FGF14: variants seen among roughly 807,000 people sequenced by gnomAD.
FGF14 encodes fibroblast growth factor homologous factor 4.
FGF14 carries 5 observed loss-of-function variants against 25.5 expected under a neutral mutation model. The ratio of observed to expected loss-of-function variants is 0.20; its 90% CI spans 0.10 to 0.41. The LOEUF (loss-of-function observed/expected upper bound fraction) is 0.41. Among genes scored for constraint, FGF14 ranks in the 10% least tolerant of loss-of-function variants. The probability of loss-of-function intolerance (pLI) is 1.00; values close to 1 mark genes in which losing one functional copy is unlikely to be tolerated. For missense variants in FGF14, 222 were observed against 320.1 expected (o/e 0.69, Z 2.34); for synonymous variants, 138 against 118.3 (o/e 1.17, Z -1.08).
intron 1 of FGF14, among the ~76,000 whole-genome samples, chr13:102,101,558 C>A (rs2044663314): frequency 6.6e-6 from 1 of 152,084 alleles, no homozygotes; most frequent in African/African-American, 2.4e-5. Flanking sequence ...ATAAAGTGTA[C>A]CCATTCTTTA....
At chr13:101,812,651 ATATTTTT>A (rs2041632210) in intron 3 of FGF14, among the ~76,000 whole-genome samples, 1 of 8,148 alleles carries the variant, frequency 1.2e-4, no homozygotes, top group African/African-American at 4.0e-4. Flanking sequence ...ATATATATAT[ATATTTTT>A]TTTTTTTTTT....
chr13:101,997,591 G>T (rs1025745243), intron 1 of FGF14, among the ~76,000 whole-genome samples: 10 of 152,160 alleles, frequency 6.6e-5, no homozygotes, highest in African/African-American at 2.4e-4. Flanking sequence ...TGATTCAGTA[G>T]GTCTGGGCCA....
chr13:101,761,496 C>A (rs1259000601), intron 3 of FGF14, among the ~76,000 whole-genome samples: 1 of 152,130 alleles, frequency 6.6e-6, no homozygotes, highest in Non-Finnish European at 1.5e-5. Flanking sequence ...CAGCAAGTCC[C>A]CTTCTACTGT....
chr13:102,214,430 T>C (rs2050284373), intron 1 of FGF14, among the ~76,000 whole-genome samples: 1 of 152,234 alleles, frequency 6.6e-6, no homozygotes, highest in Admixed American at 6.5e-5. Context: ...TAGGTTTTCC[T>C]TCCTCAGGAT....
chr13:101,883,058 G>A (rs2045801217), intron 1 of FGF14, among the ~76,000 whole-genome samples: 1 of 152,044 alleles, frequency 6.6e-6, no homozygotes, highest in Non-Finnish European at 1.5e-5. Context: ...AACCAGACAG[G>A]AAAAACATTT....
chr13:102,169,642 CAT>C (rs1439412840), intron 1 of FGF14, among the ~76,000 whole-genome samples: 12 of 152,156 alleles, frequency 7.9e-5, no homozygotes, highest in African/African-American at 2.9e-4. Context: ...AAGATGCGCA[CAT>C]GTTAAAGAAG....
At chr13:101,723,064 A>T in intron 4 of FGF14, 97 bp from the exon 5 acceptor site, 1 of 1,463,012 alleles carries the variant, frequency 6.8e-7, no homozygotes, top group East Asian at 2.3e-5. Flanking sequence ...CAGTTTGCCC[A>T]TTTCTGTTTT....
chr13:101,832,940 C>A (rs1054258347), intron 3 of FGF14, among the ~76,000 whole-genome samples: 1 of 152,038 alleles, frequency 6.6e-6, no homozygotes, highest in Non-Finnish European at 1.5e-5. Context: ...GGTTTTCTCA[C>A]AAATTCTAGT....
chr13:101,885,048 T>C (rs1348034714), intron 1 of FGF14, among the ~76,000 whole-genome samples: 1 of 152,144 alleles, frequency 6.6e-6, no homozygotes, highest in Non-Finnish European at 1.5e-5. Flanking sequence ...AGACCTTGCT[T>C]ATTAGAGCAA....
chr13:101,975,986 G>A (rs1196788260), intron 1 of FGF14, among the ~76,000 whole-genome samples: 1 of 152,204 alleles, frequency 6.6e-6, no homozygotes, highest in African/African-American at 2.4e-5. Context: ...GGAACCTTAA[G>A]CATTTGCCTG....
intron 1 of FGF14, among the ~76,000 whole-genome samples, chr13:102,062,766 C>A (rs1308987275): frequency 1.3e-5 from 2 of 152,072 alleles, no homozygotes; most frequent in Admixed American, 6.6e-5. Context: ...GTTGTGAATT[C>A]TTTCAGACCA....
intron 1 of FGF14, among the ~76,000 whole-genome samples, chr13:102,112,625 A>T (rs905257437): frequency 6.6e-6 from 1 of 152,202 alleles, no homozygotes; most frequent in African/African-American, 2.4e-5. Flanking sequence ...CACAGCTCAA[A>T]TTATCTTGGG....
At chr13:101,977,093 GAATA>G (rs2037973613) in intron 1 of FGF14, among the ~76,000 whole-genome samples, 2 of 152,088 alleles carry the variant, frequency 1.3e-5, no homozygotes, top group African/African-American at 4.8e-5. Flanking sequence ...TATAAATCAT[GAATA>G]GATAGAAGAA....
intron 1 of FGF14, among the ~76,000 whole-genome samples, chr13:102,229,415 C>T (rs1026002731): frequency 1.1e-4 from 16 of 152,140 alleles, no homozygotes; most frequent in Admixed American, 6.5e-4. Flanking sequence ...TGATGTGTGG[C>T]GCAGAGACAT....
chr13:101,802,355 C>T (rs1395877777), intron 3 of FGF14: 1 of 196,404 alleles, frequency 5.1e-6, no homozygotes, highest in South Asian at 9.7e-5. Context: ...AGTTTGATGG[C>T]TCAAAGCACC....
chr13:102,329,111 T>A (rs1192571957), intron 1 of FGF14, among the ~76,000 whole-genome samples: 2 of 152,196 alleles, frequency 1.3e-5, no homozygotes, highest in Admixed American at 1.3e-4. Flanking sequence ...TCTTTCACTT[T>A]CAACTTTCAG....
intron 1 of FGF14, among the ~76,000 whole-genome samples, chr13:102,284,357 G>A (rs1202530535): frequency 6.6e-6 from 1 of 152,064 alleles, no homozygotes; most frequent in African/African-American, 2.4e-5. Context: ...AATGACTTAG[G>A]GTTGCTGGGT....
At chr13:102,012,285 C>A (rs2040122637) in intron 1 of FGF14, among the ~76,000 whole-genome samples, 1 of 152,126 alleles carries the variant, frequency 6.6e-6, no homozygotes, top group South Asian at 2.1e-4. Context: ...ATTAAAATTT[C>A]ATTATAATCA....
At chr13:101,857,483 CTAATA>C (rs2044185159) in intron 3 of FGF14, among the ~76,000 whole-genome samples, 1 of 151,992 alleles carries the variant, frequency 6.6e-6, no homozygotes, top group African/African-American at 2.4e-5. Context: ...CCTCAGAGAT[CTAATA>C]TGTTTCTGCT....
Sources: allele counts gnomAD v4.1 joint callset (sites outside exome capture counted in the v4.1 genomes callset), GRCh38; gene constraint gnomAD v4.1.1; transcripts MANE v1.5; gene names NCBI Gene and HGNC (gene_info 2026-07-23, HGNC 2026-07-21).